Variants in BMPER observed in about 807,000 individuals in gnomAD.
BMPER encodes BMP-binding endothelial regulator protein.
A neutral mutation model predicts 87.3 loss-of-function variants in BMPER; 45 were observed. The ratio of observed to expected loss-of-function variants is 0.52; its 90% CI spans 0.41 to 0.66. The LOEUF (loss-of-function observed/expected upper bound fraction) is 0.66, where lower values mean the gene tolerates loss of function less well. Ranked by LOEUF, BMPER falls within the 30% of genes least tolerant of loss-of-function variation. BMPER has a pLI of 0.00. For synonymous variants in BMPER, 326 were observed against 316.2 expected, an observed-to-expected ratio of 1.03 and a Z score of -0.33; for missense variants, 784 against 867.5, an observed-to-expected ratio of 0.90 and a Z score of 1.21.
rs1288466457 is a variant in BMPER, at chr7:34,085,790, A to G, written c.1443A>G (p.Val481=). ...TATCTTGGGATGGAGACAGTTTTGT[A>G]GAAGTCATGGCTGCGCCGCATCTCA... ...LEISWDGDSF[V]EVMAAPHLKG... is the part of the protein sequence containing the mutation. The change falls in exon 13 of 15, where the codon GTA becomes GTG. Residue 481 remains valine (V), a synonymous_variant. Transcript: ENST00000649409. The G allele has an allele frequency of 5.6e-6, 9 of 1,614,082 alleles. No individual in the cohort carries two copies. In the Admixed American group the frequency reaches 6.7e-5, roughly 12 times the overall value.
chr7:34,141,896 A>G (rs1174565538), intron 13 of BMPER, among the ~76,000 whole-genome samples: 1 of 152,046 alleles, frequency 6.6e-6, no homozygotes, highest in Non-Finnish European at 1.5e-5. Context: ...TCCTGTTTAG[A>G]GCAGACAGTG....
At chr7:33,983,284 A>C (rs1190980970) in intron 6 of BMPER, among the ~76,000 whole-genome samples, 1 of 152,116 alleles carries the variant, frequency 6.6e-6, no homozygotes, top group African/African-American at 2.4e-5. Context: ...TTCTTTATAT[A>C]ATTTGTTTGT....
Position 34,086,079 on chromosome 7 carries a change from G to T in BMPER, c.1732G>T (p.Ala578Ser). The T allele has an allele frequency of 6.2e-7, 1 of 1,613,836 alleles. No homozygotes were observed. The highest frequency in any genetic ancestry group is 8.5e-7 in the Non-Finnish European group (1 of 1,179,992). The change falls in exon 13 of 15, where the codon GCC (alanine) becomes TCC (serine). Residue 578 changes from alanine (A) to serine (S), a missense_variant. Transcript: ENST00000649409. ...FQTCHSTVDY[A>S]TFYRSCVTDM... is the part of the protein sequence containing the mutation. The stretch of plus-strand genomic sequence containing the variant: ...GACCTGCCACTCGACTGTGGACTAC[G>T]CCACTTTCTACCGGTAAGTACAGTG...
chr7:34,062,981 C>T (rs1788480094), intron 11 of BMPER, among the ~76,000 whole-genome samples: 1 of 152,186 alleles, frequency 6.6e-6, no homozygotes, highest in South Asian at 2.1e-4. Context: ...ACTGATCATA[C>T]AGACAGAGCA....
In BMPER at chr7:34,083,726, T is replaced by G. The variant is rs920004027; in HGVS notation, c.1409-2030T>G. ...TACCTCTGGGTGTTTCTTCCTGATC[T>G]TCCACACATCACTCTGATGTTGCTG... On this transcript the variant is annotated intron_variant, in intron 12 of 14. Transcript: ENST00000649409. Among the ~76,000 whole-genome samples, 6 of 152,268 alleles carry G rather than the reference T, an allele frequency of 3.9e-5. No homozygotes were observed. The East Asian group carries it at 1.2e-3, about 29-fold the overall frequency.
At chr7:34,039,397 G>A (rs1253874110) in intron 6 of BMPER, among the ~76,000 whole-genome samples, 1 of 152,024 alleles carries the variant, frequency 6.6e-6, no homozygotes, top group Non-Finnish European at 1.5e-5. Context: ...TGTTTCCCAG[G>A]GGACATTTGG....
intron 6 of BMPER, among the ~76,000 whole-genome samples, chr7:34,022,748 GTATT>G (rs1167307146): frequency 6.7e-6 from 1 of 149,188 alleles, no homozygotes; most frequent in East Asian, 2.0e-4. Context: ...AGGCAGAAAA[GTATT>G]TATCATATTG....
intron 6 of BMPER, among the ~76,000 whole-genome samples, chr7:33,993,665 G>A (rs140773399): frequency 0.3 from 45,778 of 151,162 alleles, 7,315 homozygotes; most frequent in African/African-American, 0.39. Context: ...CTGGTGAGGA[G>A]CTGCGTTCCT....
In BMPER at chr7:34,026,062, C is replaced by T. The variant is rs183319574; in HGVS notation, c.577-20244C>T. On this transcript the variant is annotated intron_variant, in intron 6 of 14. Coordinates refer to ENST00000649409, the MANE Select transcript of BMPER (RefSeq NM_001365308.1). Reference sequence around the variant, plus strand: ...TCTGGACTCCCTACTTTGGGTTCAACGTTAGAATAGTCCTTTGTGGCCTGG... The same window carrying T: ...TCTGGACTCCCTACTTTGGGTTCAATGTTAGAATAGTCCTTTGTGGCCTGG... 1.6e-4 allele frequency among the ~76,000 whole-genome samples: 25 copies of T among 152,042 alleles called. No homozygotes were observed. In the East Asian group the frequency reaches 3.7e-3, roughly 23 times the overall value.
In BMPER at chr7:34,153,374, C is replaced by G. The variant is rs1024051411; in HGVS notation, c.*101C>G. 72 of 1,091,694 alleles carry G rather than the reference C, an allele frequency of 6.6e-5. No individual in the cohort carries two copies. The highest frequency in any genetic ancestry group is 1.1e-4 in the Admixed American group (6 of 54,148). The allele number at this position is 1,091,694 out of a possible 1,614,324, so 67.6% of individuals were successfully genotyped here. ...GTATTTGTGTGCCCGATTCTGTAAA[C>G]ACACACACACAGAGTATATATGTGT... is the stretch of plus-strand genomic sequence containing the variant. On this transcript the variant is annotated 3_prime_UTR_variant, in exon 15 of 15. Coordinates refer to ENST00000649409, the MANE Select transcript of BMPER (RefSeq NM_001365308.1).
intron 6 of BMPER, among the ~76,000 whole-genome samples, chr7:33,988,026 T>C (rs1009309917): frequency 2.0e-5 from 3 of 152,190 alleles, no homozygotes; most frequent in African/African-American, 7.2e-5. Context: ...GAACTAACAT[T>C]TAATAATAGA....
In BMPER at chr7:33,974,699, C is replaced by T; in HGVS notation, c.494-3C>T. 1.2e-6 allele frequency: 2 copies of T among 1,613,922 alleles called. No homozygotes were observed. Among genetic ancestry groups the T allele is most frequent in the South Asian group, 1.1e-5 (1 of 91,074 alleles). Reference sequence around the variant, plus strand: ...TAATTCTAAACTCTTGTCTGCTTTCCAGGCTGTGTGTTTGAGGGTGTGCAG... The same window carrying T: ...TAATTCTAAACTCTTGTCTGCTTTCTAGGCTGTGTGTTTGAGGGTGTGCAG... On this transcript the variant is annotated splice_polypyrimidine_tract_variant and splice_region_variant and intron_variant, in intron 5 of 14. Transcript: ENST00000649409.
chr7:33,930,498 G>T (rs746294577), intron 2 of BMPER, among the ~76,000 whole-genome samples: 5 of 152,182 alleles, frequency 3.3e-5, no homozygotes, highest in Non-Finnish European at 5.9e-5. Flanking sequence ...AACAGACTTT[G>T]TCCAAAGGAG....
At position 34,156,077 on chromosome 7, in the gene BMPER, G is replaced by A. The variant is rs1040127010; in HGVS notation, c.*2804G>A. On this transcript the variant is annotated 3_prime_UTR_variant, in exon 15 of 15. Transcript: ENST00000649409. ...AAGAGCAATTTTTGTTAAAACTGTG[G>A]TACACTAAGAATCACTAACTCTTCA... Among the ~76,000 whole-genome samples the A allele has an allele frequency of 3.3e-5, 5 of 152,094 alleles. No homozygotes were observed. Among genetic ancestry groups the A allele is most frequent in the African/African-American group, 1.2e-4 (5 of 41,404 alleles).
At chr7:33,913,960 A>ATT (rs59183615) in intron 2 of BMPER, among the ~76,000 whole-genome samples, 22 of 134,274 alleles carry the variant, frequency 1.6e-4, no homozygotes, top group Non-Finnish European at 2.2e-4. Flanking sequence ...TTTTAGCACA[A>ATT]TTTTTTTTTT....
intron 6 of BMPER, among the ~76,000 whole-genome samples, chr7:34,038,709 G>A (rs1235229851): frequency 6.6e-6 from 1 of 152,088 alleles, no homozygotes; most frequent in South Asian, 2.1e-4. Flanking sequence ...TTTTGTTTTT[G>A]TCAGCCCCAT....
chr7:33,943,098 T>C (rs532688915), intron 3 of BMPER, among the ~76,000 whole-genome samples: 4 of 152,284 alleles, frequency 2.6e-5, no homozygotes, highest in South Asian at 2.1e-4. Context: ...TACATTAATA[T>C]ATTATTGTAC....
At chr7:33,940,336 G>T (rs143886601) in intron 3 of BMPER, among the ~76,000 whole-genome samples, 1 of 152,190 alleles carries the variant, frequency 6.6e-6, no homozygotes, top group East Asian at 1.9e-4. Flanking sequence ...TCATTTGGTC[G>T]TTTCTGACCA....
intron 8 of BMPER, among the ~76,000 whole-genome samples, chr7:34,052,288 A>G (rs1788166091): frequency 6.6e-6 from 1 of 152,218 alleles, no homozygotes; most frequent in Non-Finnish European, 1.5e-5. Flanking sequence ...TCCAAGATGA[A>G]TTCTCTAACA....
Sources: gnomAD v4.1 joint callset for allele counts (sites outside exome capture counted in the v4.1 genomes callset) on GRCh38, gnomAD v4.1.1 for gene constraint, MANE v1.5 for transcripts, NCBI Gene and HGNC (gene_info 2026-07-23, HGNC 2026-07-21) for gene names.